The following PDZRN3 variants were observed in gnomAD, a reference collection of about 807,000 sequenced individuals.
PDZRN3 encodes E3 ubiquitin-protein ligase PDZRN3.
Under a neutral mutation model 85.7 loss-of-function variants are expected in PDZRN3, and 38 were observed. The ratio of observed to expected loss-of-function variants is 0.44; its 90% CI spans 0.34 to 0.58. The LOEUF is 0.58. Among genes scored for constraint, PDZRN3 ranks in the 20% least tolerant of loss-of-function variants. The pLI, the probability that PDZRN3 is intolerant of heterozygous loss-of-function variation, is 0.01. For synonymous variants in PDZRN3, 759 were observed against 638.0 expected (o/e 1.19, Z -2.86); for missense variants, 1,629 against 1,506.4 (o/e 1.08, Z -1.35).
chr3:73,584,545 A>T (rs1458334211), intron 3 of PDZRN3, among the ~76,000 whole-genome samples: 5 of 151,872 alleles, frequency 3.3e-5, no homozygotes, highest in Non-Finnish European at 4.4e-5. Flanking sequence ...GATTTAGAAA[A>T]CAGAGAAAAT....
At chr3:73,393,167 C>T (rs946662616) in intron 5 of PDZRN3, among the ~76,000 whole-genome samples, 1 of 152,128 alleles carries the variant, frequency 6.6e-6, no homozygotes, top group African/African-American at 2.4e-5. Context: ...CTTGCTGAAA[C>T]AGGTCCACGT....
At position 73,440,906 on chromosome 3, in the gene PDZRN3, G is replaced by A. The variant is rs554703028; in HGVS notation, c.919-36511C>T. Among the ~76,000 whole-genome samples, 6 of 152,312 alleles carry A rather than the reference G, an allele frequency of 3.9e-5. No homozygotes were observed. The East Asian group carries it at 1.2e-3, about 29-fold the overall frequency. Reference sequence around the variant, plus strand: ...CAGGGGGACGGTTCCTGAAAAGAGAGAAAGCCTTGAAAGGTATTGAAGCAC... The same window carrying A: ...CAGGGGGACGGTTCCTGAAAAGAGAAAAAGCCTTGAAAGGTATTGAAGCAC... On this transcript the variant is annotated intron_variant, in intron 3 of 9. Transcript: ENST00000263666.
chr3:73,480,750 G>GCAT (rs1703546533), intron 3 of PDZRN3, among the ~76,000 whole-genome samples: 1 of 152,122 alleles, frequency 6.6e-6, no homozygotes, highest in Admixed American at 6.5e-5. Flanking sequence ...CGGTACAACA[G>GCAT]CATCACCAGA....
intron 3 of PDZRN3, among the ~76,000 whole-genome samples, chr3:73,545,794 G>A (rs1701408229): frequency 6.6e-6 from 1 of 152,136 alleles, no homozygotes; most frequent in South Asian, 2.1e-4. Flanking sequence ...TTTAGTGTGT[G>A]GATTTTGCTG....
chr3:73,624,789 C>T lies in PDZRN3; in HGVS notation c.37G>A (p.Asp13Asn), dbSNP rs1415821176. Residue 13 changes from aspartate (D) to asparagine (N), a missense_variant, in exon 1 of 10, where the codon GAC becomes AAC. Asp to Asn is a conservative substitution (Grantham distance 23, BLOSUM62 1). Transcript: ENST00000263666. The part of the protein sequence containing the change: ...FELDRFDGDV[D>N]PDLKCALCHK... ...CACAGCGCGCACTTCAGGTCCGGGT[C>T]CACGTCGCCGTCGAAGCGGTCCAGC... The T allele has an allele frequency of 4.3e-6, 6 of 1,405,914 alleles. No individual in the cohort carries two copies. The South Asian group carries it at 8.1e-5, about 19-fold the overall frequency. The allele number at this position is 1,405,914 out of a possible 1,614,324, so 87.1% of individuals were successfully genotyped here. A position where few individuals can be genotyped will look rare whatever the true frequency, so the allele number is the denominator to read the frequency against.
At chr3:73,451,273 C>G (rs1702856071) in intron 3 of PDZRN3, among the ~76,000 whole-genome samples, 1 of 152,120 alleles carries the variant, frequency 6.6e-6, no homozygotes. Context: ...AATAATTGCT[C>G]TCAAATTTTT....
chr3:73,477,410 C>A (rs1703478364), intron 3 of PDZRN3, among the ~76,000 whole-genome samples: 1 of 152,110 alleles, frequency 6.6e-6, no homozygotes, highest in South Asian at 2.1e-4. Context: ...CTCCAATGAA[C>A]AAACAGAAAT....
intron 3 of PDZRN3, among the ~76,000 whole-genome samples, chr3:73,441,097 A>C (rs1220355732): frequency 1.3e-5 from 2 of 152,194 alleles, no homozygotes; most frequent in Non-Finnish European, 2.9e-5. Context: ...GAGTATATAG[A>C]TACTTATATA....
intron 3 of PDZRN3, among the ~76,000 whole-genome samples, chr3:73,434,251 T>C (rs1221520508): frequency 6.6e-6 from 1 of 152,234 alleles, no homozygotes; most frequent in Non-Finnish European, 1.5e-5. Context: ...TAATCCCTAA[T>C]GTGTTTCGGC....
chr3:73,604,603 G>A (rs1702566391), intron 2 of PDZRN3, among the ~76,000 whole-genome samples: 1 of 152,096 alleles, frequency 6.6e-6, no homozygotes, highest in Non-Finnish European at 1.5e-5. Context: ...TCCACTAGAT[G>A]AACTTGAAGA....
At chr3:73,469,721 C>T (rs950441809) in intron 3 of PDZRN3, among the ~76,000 whole-genome samples, 7 of 151,744 alleles carry the variant, frequency 4.6e-5, no homozygotes, top group African/African-American at 1.7e-4. Context: ...TTTTTCATAA[C>T]ATTAGAAAAT....
chr3:73,447,086 T>A (rs1472405229), intron 3 of PDZRN3, among the ~76,000 whole-genome samples: 1 of 145,672 alleles, frequency 6.9e-6, no homozygotes, highest in South Asian at 2.1e-4. Context: ...ATATATATAT[T>A]AGATATATAT....
chr3:73,583,778 T>C (rs1052127336), intron 3 of PDZRN3, among the ~76,000 whole-genome samples: 2 of 152,058 alleles, frequency 1.3e-5, no homozygotes, highest in African/African-American at 2.4e-5. Flanking sequence ...AAACGTATGA[T>C]GGAAGGACTG....
At chr3:73,482,158 AG>A (rs1176328570) in intron 3 of PDZRN3, among the ~76,000 whole-genome samples, 2 of 152,232 alleles carry the variant, frequency 1.3e-5, no homozygotes, top group Admixed American at 1.3e-4. Flanking sequence ...AGATAGAAGC[AG>A]GGAAGAGCTA....
At chr3:73,565,788 C>CACAA (rs1258711722) in intron 3 of PDZRN3, among the ~76,000 whole-genome samples, 160 of 5,106 alleles carry the variant, frequency 0.031, 2 homozygotes, top group South Asian at 0.074. Flanking sequence ...AAATACAAAA[C>CACAA]ACACACACAC....
At chr3:73,578,499 T>A (rs1702155649) in intron 3 of PDZRN3, among the ~76,000 whole-genome samples, 1 of 152,194 alleles carries the variant, frequency 6.6e-6, no homozygotes, top group South Asian at 2.1e-4. Flanking sequence ...CTTTAGTTAC[T>A]GTAACTGTTC....
chr3:73,395,794 C>T (rs537735853), intron 5 of PDZRN3, among the ~76,000 whole-genome samples: 1 of 152,274 alleles, frequency 6.6e-6, no homozygotes, highest in Admixed American at 6.5e-5. Flanking sequence ...GCATTTTATT[C>T]CTTCATTCAA....
chr3:73,431,229 G>A (rs1029540150), intron 3 of PDZRN3, among the ~76,000 whole-genome samples: 1 of 152,194 alleles, frequency 6.6e-6, no homozygotes, highest in African/African-American at 2.4e-5. Context: ...ATGTGGTGGT[G>A]TTGTTTTTCT....
rs778683768 is a variant in PDZRN3 at position 73,383,955 on chromosome 3, C to T, written c.2611G>A (p.Ala871Thr). ...PSYHHSPYKH[A>T]HIPAHAQHYQ... ...TGCTGGGCGTGCGCCGGGATGTGCG[C>T]GTGCTTGTATGGGGAGTGGTGATAG... Residue 871 changes from alanine (A) to threonine (T), a missense_variant, in exon 10 of 10, where the codon GCG (alanine) becomes ACG (threonine). By Grantham distance (58) the Ala-to-Thr change is moderately conservative. Transcript: ENST00000263666. The T allele has an allele frequency of 2.5e-6, 4 of 1,600,644 alleles. No individual in the cohort carries two copies. Among genetic ancestry groups the T allele is most frequent in the South Asian group, 2.2e-5 (2 of 88,932 alleles).
Sources: allele counts gnomAD v4.1 joint callset (sites outside exome capture counted in the v4.1 genomes callset), GRCh38; gene constraint gnomAD v4.1.1; transcripts MANE v1.5; gene names NCBI Gene and HGNC (gene_info 2026-07-23, HGNC 2026-07-21).